Variants in MDP1 observed in about 807,000 individuals in gnomAD.
MDP1 encodes the protein magnesium dependent phosphatase 1.
A neutral mutation model predicts 21.6 loss-of-function variants in MDP1; 18 were observed. The ratio of observed to expected loss-of-function variants is 0.83; its 90% CI spans 0.58 to 1.24. The LOEUF is 1.24. Among genes scored for constraint, MDP1 ranks in the 50% most tolerant of loss-of-function variants. The pLI is 0.00. For missense variants in MDP1, 207 were observed against 218.6 expected, an observed-to-expected ratio of 0.95 and a Z score of 0.33; for synonymous variants, 101 against 83.2, an observed-to-expected ratio of 1.21 and a Z score of -1.16.
chr14:24,214,452 T>G (rs753607949), intron 4 of MDP1, 40 bp downstream of exon 4: 1 of 1,614,234 alleles, frequency 6.2e-7, no homozygotes. Flanking sequence ...CAGGCCTCTC[T>G]GATACTTTCT....
chr14:24,214,965 A>C (rs1467624397), intron 3 of MDP1, among the ~76,000 whole-genome samples: 3 of 137,934 alleles, frequency 2.2e-5, no homozygotes, highest in Non-Finnish European at 4.6e-5. Context: ...TTTGGTAGAG[A>C]TAGGGTCTCC....
chr14:24,215,240 C>G (rs1024010223), intron 3 of MDP1, among the ~76,000 whole-genome samples: 7 of 151,962 alleles, frequency 4.6e-5, no homozygotes, highest in African/African-American at 1.5e-4. Context: ...TGCGTGCCAC[C>G]ACGCCCTGCT....
intron 3 of MDP1, 23 bp from the exon 4 acceptor site, chr14:24,214,622 GGATTAGCAAAGT>G (rs1373241608): frequency 6.2e-7 from 1 of 1,613,340 alleles, no homozygotes; most frequent in African/African-American, 1.3e-5. Flanking sequence ...GTAAAAGATG[GGATTAGCAAAGT>G]GAAGGGCCAG....
chr14:24,215,094 T>C (rs2039658237), intron 3 of MDP1, among the ~76,000 whole-genome samples: 1 of 145,896 alleles, frequency 6.9e-6, no homozygotes, highest in Non-Finnish European at 1.5e-5. Context: ...TTTTTTTTTT[T>C]TTTTTTTTTG....
chr14:24,215,441 T>G, intron 3 of MDP1, 111 bp downstream of exon 3: 2 of 1,234,724 alleles, frequency 1.6e-6, no homozygotes, highest in Non-Finnish European at 2.3e-6. Flanking sequence ...GGAAAAAATA[T>G]GTAAATACTT....
rs1334868483 is a variant in MDP1 at position 24,214,566 on chromosome 14, C to G, written c.243G>C (p.Leu81=). 8.7e-6 allele frequency: 14 copies of G among 1,614,208 alleles called. No individual in the cohort carries two copies. Among genetic ancestry groups the G allele is most frequent in the Non-Finnish European group, 1.2e-5 (14 of 1,180,044 alleles). Residue 81 remains leucine, a synonymous_variant, in exon 4 of 6, where the codon CTG becomes CTC. Coordinates refer to ENST00000288087, the MANE Select transcript of MDP1 (RefSeq NM_138476.4). ...AGTACCTGAAGAGGTCAAAGAGCTC[C>G]AGTAGCTGGTTGGCCCCTTCTATCT... ...TSEIEGANQL[L]ELFDLFRYFV... is the part of the protein sequence containing the mutation.
intron 2 of MDP1, 25 bp from the exon 3 acceptor site, chr14:24,215,687 G>C (rs1392790560): frequency 7.4e-6 from 12 of 1,614,088 alleles, no homozygotes; most frequent in Admixed American, 1.7e-5. Context: ...AGTGCGCTCA[G>C]CCCTGGCTGG....
At chr14:24,214,721 G>T (rs1292556556) in intron 3 of MDP1, 122 bp from the exon 4 acceptor site, 3 of 1,016,042 alleles carry the variant, frequency 3.0e-6, no homozygotes, top group African/African-American at 1.6e-5. Context: ...GGATGGACAG[G>T]CATCCTCAGC....
chr14:24,215,543 T>A lies in MDP1; in HGVS notation c.209+9A>T. 7 of 1,614,110 alleles carry A rather than the reference T, an allele frequency of 4.3e-6. No individual in the cohort carries two copies. Among genetic ancestry groups the A allele is most frequent in the Non-Finnish European group, 5.9e-6 (7 of 1,179,966 alleles). On this transcript the variant is annotated intron_variant, in intron 3 of 5. Coordinates refer to ENST00000288087, the MANE Select transcript of MDP1 (RefSeq NM_138476.4). ...CATTACACTGTCAGTTGTCAGTCGC[T>A]CTTCTTACCTTGAAGCAGCCGCACC...
Position 24,214,376 on chromosome 14 carries a change from T to TTCC in MDP1, c.334_336dup (p.Gly112dup). The TTCC allele has an allele frequency of 6.2e-7, 1 of 1,614,220 alleles. No individual in the cohort carries two copies. Among genetic ancestry groups the TTCC allele is most frequent in the African/African-American group, 1.3e-5 (1 of 75,058 alleles). The stretch of plus-strand genomic sequence containing the variant: ...AAGAAGATCATCTGGGAGAAAGGAA[T>TTCC]TCCAGTCTTCTGCTGCAACCTATTC... On this transcript the variant is annotated inframe_insertion, in exon 5 of 6. Transcript: ENST00000288087.
chr14:24,215,997 C>A lies in MDP1; in HGVS notation c.-42G>T. 6.2e-7 allele frequency: 1 copy of A among 1,613,602 alleles called. No homozygotes were observed. The highest frequency in any genetic ancestry group is 8.5e-7 in the Non-Finnish European group (1 of 1,179,916). On this transcript the variant is annotated 5_prime_UTR_variant, in exon 1 of 6. Transcript: ENST00000288087. Reference sequence around the variant, plus strand: ...TGCGCGCAGCAGAGGTGGGGCTTCACCCGGGGCCTTAGAGAGTGCGGAACC... The same window carrying A: ...TGCGCGCAGCAGAGGTGGGGCTTCAACCGGGGCCTTAGAGAGTGCGGAACC...
In MDP1 at chr14:24,215,905, T is replaced by G. The variant is rs1484152703; in HGVS notation, c.37+14A>C. On this transcript the variant is annotated intron_variant, in intron 1 of 5. Coordinates refer to ENST00000288087, the MANE Select transcript of MDP1 (RefSeq NM_138476.4). ...GAGAGCACCTTACGAAATTCTCCCC[T>G]TCCCGTCCCTCACCCAAATCAAAGA... 1 of 1,614,076 alleles carries G rather than the reference T, an allele frequency of 6.2e-7. No individual in the cohort carries two copies. Among genetic ancestry groups the G allele is most frequent in the Non-Finnish European group, 8.5e-7 (1 of 1,180,030 alleles).
At position 24,215,940 on chromosome 14, in the gene MDP1, T is replaced by G. The variant is rs942160924; in HGVS notation, c.16A>C (p.Lys6Gln). 2 of 1,614,156 alleles carry G rather than the reference T, an allele frequency of 1.2e-6. No individual in the cohort carries two copies. Among genetic ancestry groups the G allele is most frequent in the Admixed American group, 3.3e-5 (2 of 60,026 alleles). The part of the protein sequence containing the change: MARLP[K>Q]LAVFDLDYTL... ...TCACCCAAATCAAAGACTGCCAGCT[T>G]CGGTAGCCGCGCCATGACCCGCACC... The change falls in exon 1 of 6, where the codon AAG (lysine) becomes CAG (glutamine). Residue 6 changes from lysine (K) to glutamine (Q), a missense_variant. By Grantham distance (53) the Lys-to-Gln change is moderately conservative. Transcript: ENST00000288087.
Position 24,215,817 on chromosome 14 carries a change from G to A in MDP1, c.38-20C>T, listed in dbSNP as rs2039683839. 1 of 1,614,200 alleles carries A rather than the reference G, an allele frequency of 6.2e-7. No individual in the cohort carries two copies. The highest frequency in any genetic ancestry group is 1.7e-5 in the Admixed American group (1 of 60,020). ...TGTAATCTGCGAGAGGAAGGAGAGG[G>A]AAGGTTCAGCCTGGGGCGGGAGATG... On this transcript the variant is annotated intron_variant, in intron 1 of 5. Coordinates refer to ENST00000288087, the MANE Select transcript of MDP1 (RefSeq NM_138476.4).
At chr14:24,214,971 T>G (rs1594475088) in intron 3 of MDP1, among the ~76,000 whole-genome samples, 10 of 137,928 alleles carry the variant, frequency 7.3e-5, no homozygotes, top group African/African-American at 1.1e-4. Context: ...AGAGATAGGG[T>G]CTCCCTCTAT....
rs2039627360 is a variant in MDP1, at chr14:24,213,984, A to G, written c.*40T>C. 2 of 1,540,992 alleles carry G rather than the reference A, an allele frequency of 1.3e-6. No individual in the cohort carries two copies. The highest frequency in any genetic ancestry group is 1.7e-6 in the Non-Finnish European group (2 of 1,146,140). On this transcript the variant is annotated 3_prime_UTR_variant, in exon 6 of 6. Transcript: ENST00000288087. ...ACACACAGATGAACTTTAATAAATT[A>G]CAAATGCACCTGAAAATGCCTTCTT...
chr14:24,214,226 C>T, intron 5 of MDP1, 75 bp from the exon 6 acceptor site: 1 of 1,611,686 alleles, frequency 6.2e-7, no homozygotes, highest in Non-Finnish European at 8.5e-7. Context: ...GTGAGTGCCA[C>T]CTATAGGGCA....
intron 3 of MDP1, among the ~76,000 whole-genome samples, chr14:24,215,131 G>C (rs547307394): frequency 1.6e-4 from 23 of 140,684 alleles, no homozygotes; most frequent in Non-Finnish European, 3.2e-4. Flanking sequence ...TGTCACCCAG[G>C]CTGAAGTGCA....
rs1426826284 is a variant in MDP1 at position 24,215,406 on chromosome 14, TA to T, written c.209+145del. 16 of 976,792 alleles carry T rather than the reference TA, an allele frequency of 1.6e-5. No individual in the cohort carries two copies. The South Asian group carries it at 1.9e-4, about 11-fold the overall frequency. 60.5% of individuals were successfully genotyped at this position (976,792 alleles called of 1,614,324 possible). A position where few individuals can be genotyped will look rare whatever the true frequency, so the allele number is the denominator to read the frequency against. ...CCTGCTGGCCCCACTTTTTAATAGT[TA>T]AAAGGCACAGGAGAGCGTTCAAGGG... On this transcript the variant is annotated intron_variant, in intron 3 of 5. Transcript: ENST00000288087.
Sources: allele counts gnomAD v4.1 joint callset (sites outside exome capture counted in the v4.1 genomes callset), GRCh38; gene constraint gnomAD v4.1.1; transcripts MANE v1.5; gene names NCBI Gene and HGNC (gene_info 2026-07-23, HGNC 2026-07-21).